Variants in ABCC2 observed in about 807,000 individuals in gnomAD.
ABCC2 encodes ATP binding cassette subfamily C member 2, also known as ATP-binding cassette sub-family C member 2.
In ABCC2, 157 loss-of-function variants were observed where a neutral mutation model predicts 173.4. The observed-to-expected ratio is 0.91, with a 90% confidence interval of 0.80 to 1.03. ABCC2 has a LOEUF of 1.03. ABCC2 is among the 50% of genes least tolerant of loss of function. ABCC2 has a pLI of 0.00. For missense variants in ABCC2, 1,822 were observed against 1,852.3 expected, an observed-to-expected ratio of 0.98 and a Z score of 0.30; for synonymous variants, 657 against 693.5, an observed-to-expected ratio of 0.95 and a Z score of 0.83.
At chr10:99,831,049 T>C (rs2038729661) in intron 21 of ABCC2, among the ~76,000 whole-genome samples, 198 bp downstream of exon 21, 1 of 152,240 alleles carries the variant, frequency 6.6e-6, no homozygotes, top group Non-Finnish European at 1.5e-5. Context: ...AAGAATGCTA[T>C]GTTTCCTGTG....
chr10:99,807,621 G>T (rs1485031765), intron 12 of ABCC2, 100 bp downstream of exon 12: 3 of 1,543,318 alleles, frequency 1.9e-6, no homozygotes, highest in African/African-American at 2.7e-5. Flanking sequence ...GCATCTCTAG[G>T]CCTGACCGCA....
At chr10:99,829,465 T>A (rs1275434320) in intron 19 of ABCC2, among the ~76,000 whole-genome samples, 2 of 152,228 alleles carry the variant, frequency 1.3e-5, no homozygotes, top group Admixed American at 1.3e-4. Flanking sequence ...TTTTAATCAT[T>A]ATTCTAATTG....
chr10:99,808,366 C>A, intron 13 of ABCC2, 137 bp downstream of exon 13: 1 of 1,196,886 alleles, frequency 8.4e-7, no homozygotes, highest in Non-Finnish European at 1.2e-6. Context: ...CTCTGGAGAC[C>A]AATGGTTTGA....
chr10:99,845,480 C>T, intron 28 of ABCC2, 144 bp from the exon 29 acceptor site: 1 of 1,103,596 alleles, frequency 9.1e-7, no homozygotes, highest in Non-Finnish European at 1.3e-6. Context: ...TTTTTCCTCA[C>T]CAAAACCAAA....
chr10:99,810,740 T>G (rs1195287836), intron 14 of ABCC2, among the ~76,000 whole-genome samples: 1 of 152,142 alleles, frequency 6.6e-6, no homozygotes, highest in Non-Finnish European at 1.5e-5. Context: ...AAAAAAGGAC[T>G]TTAGCCGGGT....
intron 10 of ABCC2, 63 bp downstream of exon 10, chr10:99,804,336 T>C (rs1590154166): frequency 6.2e-7 from 1 of 1,605,036 alleles, no homozygotes; most frequent in East Asian, 2.2e-5. Context: ...TTTTTCTTAC[T>C]CTACTCTAAT....
chr10:99,818,189 C>A (rs2133077220), intron 17 of ABCC2, among the ~76,000 whole-genome samples: 1 of 151,330 alleles, frequency 6.6e-6, no homozygotes, highest in African/African-American at 2.4e-5. Flanking sequence ...CGCCACTGCA[C>A]TCCAGCCTAG....
At chr10:99,800,285 ACCT>A (rs1411291966) in intron 8 of ABCC2, 98 bp from the exon 9 acceptor site, 3 of 1,247,350 alleles carry the variant, frequency 2.4e-6, no homozygotes, top group Non-Finnish European at 3.5e-6. Context: ...CACTTTTGTT[ACCT>A]ACAGTGTAAA....
intron 29 of ABCC2, 135 bp from the exon 30 acceptor site, chr10:99,846,826 G>A: frequency 8.1e-7 from 1 of 1,231,614 alleles, no homozygotes; most frequent in South Asian, 1.2e-5. Context: ...CCTTGCGGAA[G>A]CTCAACCACA....
chr10:99,795,791 G>GAA (rs1428520362), intron 6 of ABCC2, among the ~76,000 whole-genome samples: 4 of 133,944 alleles, frequency 3.0e-5, no homozygotes, highest in African/African-American at 1.1e-4. Flanking sequence ...AAGAAAGAAA[G>GAA]AAAGAAAGAA....
In ABCC2 at chr10:99,813,076, G is replaced by C. The variant is rs1226153645; in HGVS notation, c.2026G>C (p.Gly676Arg). 1 of 1,614,056 alleles carries C rather than the reference G, an allele frequency of 6.2e-7. No individual in the cohort carries two copies. The highest frequency in any genetic ancestry group is 2.2e-5 in the East Asian group (1 of 44,880). Residue 676 changes from glycine to arginine, a missense_variant, in exon 16 of 32, where the codon GGG (glycine) becomes CGG (arginine). Gly to Arg is a moderately radical substitution (Grantham distance 125). Coordinates refer to ENST00000647814, the MANE Select transcript of ABCC2 (RefSeq NM_000392.5). The stretch of plus-strand genomic sequence containing the variant: ...GGCTGTGATAGGCCCTGTCGGCTCT[G>C]GGAAATCCTCCTTGATATCAGCCAT... The part of the protein sequence containing the change: ...LVAVIGPVGS[G>R]KSSLISAMLG...
chr10:99,808,065 T>C lies in ABCC2; in HGVS notation c.1669-18T>C, dbSNP rs762608969. ...GTCCCTTTTAGGAATAAATTGCTCA[T>C]GACCTTGCCCTTTCCAGGTATCTGT... is the stretch of plus-strand genomic sequence containing the variant. On this transcript the variant is annotated intron_variant, in intron 12 of 31. Coordinates refer to ENST00000647814, the MANE Select transcript of ABCC2 (RefSeq NM_000392.5). The C allele has an allele frequency of 1.2e-5, 20 of 1,613,790 alleles. No individual in the cohort carries two copies. Among genetic ancestry groups the C allele is most frequent in the African/African-American group, 4.0e-5 (3 of 74,926 alleles).
At chr10:99,808,292 A>G in intron 13 of ABCC2, 63 bp downstream of exon 13, 1 of 1,586,400 alleles carries the variant, frequency 6.3e-7, no homozygotes, top group Admixed American at 1.7e-5. Context: ...GTCCAGAATG[A>G]CTGGCTATCA....
chr10:99,844,292 AACTT>A (rs752740593), intron 27 of ABCC2, 26 bp from the exon 28 acceptor site: 5 of 1,613,728 alleles, frequency 3.1e-6, no homozygotes, highest in East Asian at 4.5e-5. Flanking sequence ...CACCTTATAA[AACTT>A]ACTTCTCATC....
At position 99,797,422 on chromosome 10, in the gene ABCC2, T is replaced by TA; in HGVS notation, c.867+92dup. 4 of 1,125,748 alleles carry TA rather than the reference T, an allele frequency of 3.6e-6. No individual in the cohort carries two copies. In the South Asian group the frequency reaches 5.3e-5, roughly 15 times the overall value. The allele number at this position is 1,125,748 out of a possible 1,614,324, so 69.7% of individuals were successfully genotyped here. ...TGGCGATTCTGTCCTTACATTTTTA[T>TA]AGCACTTCATACTTCTCAGTGCACT... On this transcript the variant is annotated intron_variant, in intron 7 of 31. Coordinates refer to ENST00000647814, the MANE Select transcript of ABCC2 (RefSeq NM_000392.5).
intron 8 of ABCC2, among the ~76,000 whole-genome samples, chr10:99,799,777 G>A (rs1239942791): frequency 6.6e-6 from 1 of 152,168 alleles, no homozygotes; most frequent in Non-Finnish European, 1.5e-5. Flanking sequence ...GACCTGTGGA[G>A]TGAACCACCT....
intron 13 of ABCC2, among the ~76,000 whole-genome samples, chr10:99,808,705 T>C (rs1434068637): frequency 2.0e-5 from 3 of 152,144 alleles, no homozygotes; most frequent in Non-Finnish European, 4.4e-5. Context: ...TCAGGAAACC[T>C]TGGATGGACC....
intron 2 of ABCC2, among the ~76,000 whole-genome samples, chr10:99,785,101 C>G (rs1251365449): frequency 2.0e-5 from 3 of 152,190 alleles, no homozygotes; most frequent in Non-Finnish European, 4.4e-5. Flanking sequence ...TTAAACAGCT[C>G]TAATAAATCA....
At chr10:99,839,227 G>A (rs1391277059) in intron 25 of ABCC2, among the ~76,000 whole-genome samples, 5 of 102,904 alleles carry the variant, frequency 4.9e-5, no homozygotes, top group South Asian at 3.0e-4. Flanking sequence ...CCGGCTGGCC[G>A]GGCGGGGGGC....
Sources: gnomAD v4.1 joint callset for allele counts (sites outside exome capture counted in the v4.1 genomes callset) on GRCh38, gnomAD v4.1.1 for gene constraint, MANE v1.5 for transcripts, NCBI Gene and HGNC (gene_info 2026-07-23, HGNC 2026-07-21) for gene names.